Variants in KCNK2 observed in about 807,000 individuals in gnomAD.
KCNK2 encodes the protein potassium two pore domain channel subfamily K member 2, also known as potassium channel subfamily K member 2.
In KCNK2, 21 loss-of-function variants were observed where a neutral mutation model predicts 40.5. That is an observed-to-expected ratio of 0.52 (90% CI 0.37 to 0.75). KCNK2 has a LOEUF of 0.75. KCNK2 is among the 30% of genes least tolerant of loss of function. The pLI, the probability that KCNK2 is intolerant of heterozygous loss-of-function variation, is 0.00. For missense variants in KCNK2, 399 were observed against 531.6 expected (o/e 0.75, Z 2.45); for synonymous variants, 191 against 202.2 (o/e 0.94, Z 0.47).
chr1:215,211,751 T>A (rs538204740), intron 6 of KCNK2, among the ~76,000 whole-genome samples: 1 of 152,286 alleles, frequency 6.6e-6, no homozygotes, highest in Non-Finnish European at 1.5e-5. Context: ...AAATCTTTAA[T>A]AATGTAGAGA....
intron 1 of KCNK2, among the ~76,000 whole-genome samples, chr1:215,007,015 A>G (rs1037020172): frequency 0.053 from 1,121 of 21,048 alleles, 49 homozygotes; most frequent in African/African-American, 0.09. Flanking sequence ...ATATATATAT[A>G]TATATATATA....
At chr1:215,015,496 G>C (rs973193924) in intron 1 of KCNK2, among the ~76,000 whole-genome samples, 4 of 152,046 alleles carry the variant, frequency 2.6e-5, no homozygotes, top group African/African-American at 9.7e-5. Context: ...GGTCTTTGGC[G>C]GGTAACTCTT....
At chr1:215,113,849 G>A (rs1660808448) in intron 2 of KCNK2, among the ~76,000 whole-genome samples, 1 of 152,046 alleles carries the variant, frequency 6.6e-6, no homozygotes, top group Non-Finnish European at 1.5e-5. Flanking sequence ...GCGCAACTCG[G>A]CCTCCCAAAA....
At chr1:215,045,216 A>T (rs1300839796) in intron 1 of KCNK2, among the ~76,000 whole-genome samples, 1 of 151,384 alleles carries the variant, frequency 6.6e-6, no homozygotes, top group Non-Finnish European at 1.5e-5. Flanking sequence ...AACCAAAAAA[A>T]AAAACCACAT....
At chr1:215,169,439 T>C in intron 4 of KCNK2, 80 bp downstream of exon 4, 1 of 1,109,326 alleles carries the variant, frequency 9.0e-7, no homozygotes, top group Non-Finnish European at 1.3e-6. Context: ...TCACCTCAGA[T>C]ACAATTAGAC....
At chr1:215,231,968 T>A (rs1453456993) in intron 6 of KCNK2, among the ~76,000 whole-genome samples, 1 of 152,160 alleles carries the variant, frequency 6.6e-6, no homozygotes, top group Non-Finnish European at 1.5e-5. Context: ...CCCCAGTGAT[T>A]CAATTACCTC....
At chr1:215,211,904 C>T (rs1665759563) in intron 6 of KCNK2, among the ~76,000 whole-genome samples, 1 of 152,074 alleles carries the variant, frequency 6.6e-6, no homozygotes. Flanking sequence ...TAGAACCAAA[C>T]TGTACTTATT....
At chr1:215,100,426 T>C (rs756979803) in intron 2 of KCNK2, among the ~76,000 whole-genome samples, 1 of 151,986 alleles carries the variant, frequency 6.6e-6, no homozygotes, top group Non-Finnish European at 1.5e-5. Context: ...TTATGTTTAG[T>C]GGGCAGCATT....
chr1:215,234,902 A>C lies in KCNK2; in HGVS notation c.1038A>C (p.Arg346=), dbSNP rs2102718037. Residue 346 remains arginine, a synonymous_variant, in exon 7 of 7, where the codon CGA becomes CGC. Coordinates refer to ENST00000444842, the MANE Select transcript of KCNK2 (RefSeq NM_001017425.3). ...VTAEFKETRR[R]LSVEIYDKFQ... ...CCGAATTCAAAGAAACCAGGAGGCG[A>C]CTGAGTGTGGAGATTTATGACAAGT... 1.2e-6 allele frequency: 2 copies of C among 1,614,086 alleles called. No individual in the cohort carries two copies. Among genetic ancestry groups the C allele is most frequent in the Middle Eastern group, 3.3e-4 (2 of 6,060 alleles).
intron 1 of KCNK2, among the ~76,000 whole-genome samples, chr1:215,061,513 A>G (rs1029383603): frequency 5.9e-5 from 9 of 152,274 alleles, no homozygotes; most frequent in Middle Eastern, 6.8e-3. Flanking sequence ...AAGAAAAAAA[A>G]TCTCCAGACA....
chr1:215,053,117 A>G (rs1319892991), intron 1 of KCNK2, among the ~76,000 whole-genome samples: 1 of 152,012 alleles, frequency 6.6e-6, no homozygotes, highest in Non-Finnish European at 1.5e-5. Context: ...GTTCCAGGAT[A>G]TATGTGCAGG....
chr1:215,100,413 A>C (rs796679999), intron 2 of KCNK2, among the ~76,000 whole-genome samples: 19 of 151,994 alleles, frequency 1.3e-4, no homozygotes, highest in African/African-American at 4.6e-4. Flanking sequence ...AGAGGCTTAC[A>C]AATTATGTTT....
At chr1:215,088,513 C>T (rs1185372225) in intron 2 of KCNK2, among the ~76,000 whole-genome samples, 1 of 151,396 alleles carries the variant, frequency 6.6e-6, no homozygotes, top group African/African-American at 2.4e-5. Context: ...TGGATTGTAG[C>T]CTCTGATTCA....
rs1019696970 is a variant in KCNK2 at position 215,083,041 on chromosome 1, G to C, written c.-345G>C. Reference sequence around the variant, plus strand: ...GGCGGCGGCGGCGGCGGGCAGGCGCGGGACCCGGGTCGCCCGCGCTCTCCG... The same window carrying C: ...GGCGGCGGCGGCGGCGGGCAGGCGCCGGACCCGGGTCGCCCGCGCTCTCCG... On this transcript the variant is annotated 5_prime_UTR_variant, in exon 1 of 7. Transcript: ENST00000444842. 2 of 161,112 alleles carry C rather than the reference G, an allele frequency of 1.2e-5. No homozygotes were observed. The highest frequency in any genetic ancestry group is 2.6e-5 in the Non-Finnish European group (2 of 77,158). 10.0% of individuals were successfully genotyped at this position (161,112 alleles called of 1,614,324 possible).
chr1:215,208,224 G>A (rs984805098), intron 6 of KCNK2, among the ~76,000 whole-genome samples: 1 of 152,126 alleles, frequency 6.6e-6, no homozygotes, highest in Non-Finnish European at 1.5e-5. Flanking sequence ...GGATGGAGCT[G>A]GAGGATATTA....
chr1:215,223,719 A>G (rs557506070), intron 6 of KCNK2, among the ~76,000 whole-genome samples: 1 of 152,320 alleles, frequency 6.6e-6, no homozygotes, highest in Non-Finnish European at 1.5e-5. Flanking sequence ...ACTGCAAATA[A>G]TTGTAATAAT....
chr1:215,123,291 G>A (rs765022405), intron 2 of KCNK2, among the ~76,000 whole-genome samples: 1 of 151,902 alleles, frequency 6.6e-6, no homozygotes, highest in Admixed American at 6.6e-5. Context: ...ATGTAAAAGA[G>A]GATATAAAAC....
chr1:215,123,912 T>C lies in KCNK2; in HGVS notation c.358-721T>C, dbSNP rs566007261. 1.1e-4 allele frequency among the ~76,000 whole-genome samples: 17 copies of C among 152,308 alleles called. 1 individual carries two copies. The South Asian group carries it at 3.5e-3, about 32-fold the overall frequency. On this transcript the variant is annotated intron_variant, in intron 2 of 6. Transcript: ENST00000444842. Reference sequence around the variant, plus strand: ...GATGATTGAAGAAGGGATTATAATGTCATCTTTCTGTCTTTCTCTTAGTAC... The same window carrying C: ...GATGATTGAAGAAGGGATTATAATGCCATCTTTCTGTCTTTCTCTTAGTAC...
At chr1:215,130,960 A>C (rs1021734459) in intron 3 of KCNK2, among the ~76,000 whole-genome samples, 1 of 151,654 alleles carries the variant, frequency 6.6e-6, no homozygotes, top group African/African-American at 2.4e-5. Context: ...TCCCAGGTTC[A>C]CGCCATTCTC....
Sources: gnomAD v4.1 joint callset for allele counts (sites outside exome capture counted in the v4.1 genomes callset) on GRCh38, gnomAD v4.1.1 for gene constraint, MANE v1.5 for transcripts, NCBI Gene and HGNC (gene_info 2026-07-23, HGNC 2026-07-21) for gene names.